Variants in AR observed in about 807,000 individuals in gnomAD.
AR encodes dihydrotestosterone receptor.
AR carries 8 observed loss-of-function variants against 53.9 expected under a neutral mutation model. The ratio of observed to expected loss-of-function variants is 0.15; its 90% confidence interval spans 0.09 to 0.27. AR has a LOEUF of 0.27. Ranked by LOEUF, AR falls within the 10% of genes least tolerant of loss-of-function variation. The probability of loss-of-function intolerance (pLI) is 1.00; values close to 1 mark genes in which losing one functional copy is unlikely to be tolerated. For synonymous variants in AR, 359 were observed against 316.4 expected (o/e 1.13, Z -1.43); for missense variants, 639 against 742.5 (o/e 0.86, Z 1.62).
chrX:67,588,282 C>T (rs1206624454), intron 1 of AR, among the ~76,000 whole-genome samples: 2 of 111,897 alleles, frequency 1.8e-5, no homozygotes, highest in East Asian at 2.8e-4. Context: ...TCTCAAGCTG[C>T]CCATGTCCCC....
intron 3 of AR, among the ~76,000 whole-genome samples, chrX:67,700,118 A>G (rs2076036506): frequency 8.9e-6 from 1 of 111,739 alleles, no homozygotes; most frequent in Non-Finnish European, 1.9e-5. Context: ...TGGACTGGAA[A>G]GCCCCTTGCC....
intron 2 of AR, among the ~76,000 whole-genome samples, chrX:67,674,863 A>G (rs2075889933): frequency 9.2e-6 from 1 of 109,087 alleles, no homozygotes; most frequent in African/African-American, 3.3e-5. Flanking sequence ...CTTTACAGAG[A>G]CTCTCCCTAT....
Position 67,723,867 on chromosome X carries a change from C to T in AR, c.*26C>T, listed in dbSNP as rs1430012481. 1.6e-5 allele frequency: 19 copies of T among 1,206,069 alleles called. No individual in the cohort carries two copies. The highest frequency in any genetic ancestry group is 2.1e-5 in the Non-Finnish European group (19 of 893,249). ...AGCATTGGAAACCCTATTTCCCCAC[C>T]CCAGCTCATGCCCCCTTTCAGATGT... On this transcript the variant is annotated 3_prime_UTR_variant, in exon 8 of 8. Coordinates refer to ENST00000374690, the MANE Select transcript of AR (RefSeq NM_000044.6).
intron 1 of AR, among the ~76,000 whole-genome samples, chrX:67,573,353 A>G (rs746944630): frequency 1.8e-5 from 2 of 111,607 alleles, no homozygotes; most frequent in Non-Finnish European, 3.8e-5. Context: ...GGAGGAACCA[A>G]TTCTTCCCTG....
At chrX:67,714,565 C>G (rs1337865633) in intron 4 of AR, among the ~76,000 whole-genome samples, 2 of 110,914 alleles carry the variant, frequency 1.8e-5, no homozygotes, top group African/African-American at 6.5e-5. Context: ...CCAGACTAGA[C>G]AGGAGACTAC....
intron 2 of AR, among the ~76,000 whole-genome samples, chrX:67,683,625 G>T (rs775598208): frequency 1.8e-5 from 2 of 112,390 alleles, no homozygotes; most frequent in East Asian, 2.8e-4. Context: ...CTCTCATCTG[G>T]GATTTGTGTA....
chrX:67,617,913 A>G (rs1007915153), intron 1 of AR, among the ~76,000 whole-genome samples: 1 of 111,833 alleles, frequency 8.9e-6, no homozygotes, highest in Admixed American at 9.5e-5. Flanking sequence ...TTCATGGCAA[A>G]AAGAAACTAG....
At chrX:67,615,147 A>G (rs182737186) in intron 1 of AR, among the ~76,000 whole-genome samples, 5 of 111,165 alleles carry the variant, frequency 4.5e-5, no homozygotes, top group Non-Finnish European at 7.6e-5. Flanking sequence ...AGGGAAAGAA[A>G]AGAGCAGAAA....
chrX:67,624,312 A>G (rs763053982), intron 1 of AR, among the ~76,000 whole-genome samples: 1 of 112,118 alleles, frequency 8.9e-6, no homozygotes, highest in African/African-American at 3.2e-5. Flanking sequence ...CAAACTATCT[A>G]AAGTGACCAG....
intron 2 of AR, among the ~76,000 whole-genome samples, chrX:67,644,982 A>T (rs1925983767): frequency 9.1e-6 from 1 of 110,108 alleles, no homozygotes; most frequent in African/African-American, 3.3e-5. Context: ...GGTTCCAGAG[A>T]CTTCAGACCA....
At chrX:67,648,455 T>C (rs781773977) in intron 2 of AR, among the ~76,000 whole-genome samples, 3 of 111,668 alleles carry the variant, frequency 2.7e-5, no homozygotes, top group East Asian at 2.8e-4. Flanking sequence ...GTGTGTCTCA[T>C]AGAAAGTAGA....
chrX:67,689,801 A>G, intron 3 of AR: 1 of 704,573 alleles, frequency 1.4e-6, no homozygotes, highest in Non-Finnish European at 1.7e-6. Context: ...CCTTCCCTCC[A>G]GTGAATTAGC....
rs2147317132 is a variant in AR at position 67,545,713 on chromosome X, C to T, written c.567C>T (p.Ser189=). The change falls in exon 1 of 8, where the codon AGC becomes AGT. Residue 189 remains serine (S), a synonymous_variant. Coordinates refer to ENST00000374690, the MANE Select transcript of AR (RefSeq NM_000044.6). ...ADLKDILSEA[S]TMQLLQQQQQ... ...TTAAAGACATCCTGAGCGAGGCCAG[C>T]ACCATGCAACTCCTTCAGCAACAGC... The T allele has an allele frequency of 8.3e-7, 1 of 1,210,390 alleles. No homozygotes were observed.
At chrX:67,592,108 T>C (rs1922857744) in intron 1 of AR, among the ~76,000 whole-genome samples, 1 of 112,419 alleles carries the variant, frequency 8.9e-6, no homozygotes, top group Non-Finnish European at 1.9e-5. Flanking sequence ...CTTACTATTA[T>C]GTTTGCCTGA....
At chrX:67,626,869 G>C (rs1208060987) in intron 1 of AR, among the ~76,000 whole-genome samples, 2 of 96,970 alleles carry the variant, frequency 2.1e-5, no homozygotes, top group Non-Finnish European at 4.1e-5. Flanking sequence ...CTATGAGTGA[G>C]AACATGCGGT....
chrX:67,613,277 T>G (rs1293647056), intron 1 of AR, among the ~76,000 whole-genome samples: 1 of 111,988 alleles, frequency 8.9e-6, no homozygotes, highest in Non-Finnish European at 1.9e-5. Context: ...TGGTTCAAAT[T>G]CTATTGCAGT....
At chrX:67,646,945 G>A (rs1569294053) in intron 2 of AR, among the ~76,000 whole-genome samples, 1 of 111,057 alleles carries the variant, frequency 9.0e-6, no homozygotes, top group African/African-American at 3.3e-5. Flanking sequence ...CTGAGAGAGT[G>A]TACTATGGAT....
rs1929651319 is a variant in AR at position 67,545,313 on chromosome X, TGCTGCAGCAGCAGCAGCAGCAGCAGCA to T, written c.170_196del (p.Leu57_Gln65del). ...GCACCTCCCGGCGCCAGTTTGCTGC[TGCTGCAGCAGCAGCAGCAGCAGCAGCA>T]GCAGCAGCAGCAGCAGCAGCAGCAG... On this transcript the variant is annotated inframe_deletion, in exon 1 of 8. Transcript: ENST00000374690. 3 of 1,099,115 alleles carry T rather than the reference TGCTGCAGCAGCAGCAGCAGCAGCAGCA, an allele frequency of 2.7e-6. No individual in the cohort carries two copies. In the African/African-American group the frequency reaches 6.5e-5, roughly 24 times the overall value. The allele number at this position is 1,099,115 out of a possible 1,213,427, so 90.6% of individuals were successfully genotyped here. A position where few individuals can be genotyped will look rare whatever the true frequency, so the allele number is the denominator to read the frequency against.
At chrX:67,578,822 A>G (rs777434693) in intron 1 of AR, among the ~76,000 whole-genome samples, 5 of 112,024 alleles carry the variant, frequency 4.5e-5, no homozygotes, top group Admixed American at 1.9e-4. Flanking sequence ...GACTTTGAAC[A>G]TTTATATTCT....
Sources: gnomAD v4.1 joint callset for allele counts (sites outside exome capture counted in the v4.1 genomes callset) on GRCh38, gnomAD v4.1.1 for gene constraint, MANE v1.5 for transcripts, NCBI Gene and HGNC (gene_info 2026-07-23, HGNC 2026-07-21) for gene names.